Variants in ERCC8 observed in about 807,000 individuals in gnomAD.
ERCC8 encodes the protein DNA excision repair protein ERCC-8.
In ERCC8, 52 loss-of-function variants were observed where a neutral mutation model predicts 54.9. The ratio of observed to expected loss-of-function variants is 0.95; its 90% CI spans 0.76 to 1.19. The LOEUF (loss-of-function observed/expected upper bound fraction) is 1.19. ERCC8 is among the 50% of genes most tolerant of loss of function. The probability of loss-of-function intolerance (pLI) is 0.00; values close to 1 mark genes in which losing one functional copy is unlikely to be tolerated. For synonymous variants in ERCC8, 146 were observed against 157.2 expected, an observed-to-expected ratio of 0.93 and a Z score of 0.53; for missense variants, 514 against 466.1, an observed-to-expected ratio of 1.10 and a Z score of -0.95.
intron 1 of ERCC8, among the ~76,000 whole-genome samples, chr5:60,938,078 TATATATATTTTA>T (rs1298389875): frequency 0.039 from 1,019 of 26,186 alleles, 10 homozygotes; most frequent in Non-Finnish European, 0.068. Context: ...TATATATATA[TATATATATTTTA>T]TTTTTTTTTT....
chr5:60,876,170 G>T (rs1747999652), intron 11 of ERCC8, among the ~76,000 whole-genome samples: 1 of 151,964 alleles, frequency 6.6e-6, no homozygotes, highest in African/African-American at 2.4e-5. Context: ...GAGAATGATG[G>T]TTTCCAGCTT....
intron 11 of ERCC8, among the ~76,000 whole-genome samples, chr5:60,884,953 AAG>A (rs1284220055): frequency 6.6e-6 from 1 of 152,134 alleles, no homozygotes; most frequent in African/African-American, 2.4e-5. Context: ...TGTTTACACG[AAG>A]AGTTCAAACT....
chr5:60,899,489 T>C, intron 8 of ERCC8, 138 bp downstream of exon 8: 1 of 641,920 alleles, frequency 1.6e-6, no homozygotes, highest in Non-Finnish European at 2.8e-6. Flanking sequence ...ATTAAGAAAG[T>C]GATATACGAT....
At chr5:60,879,426 T>C (rs2112459861) in intron 11 of ERCC8, among the ~76,000 whole-genome samples, 1 of 152,312 alleles carries the variant, frequency 6.6e-6, no homozygotes, top group African/African-American at 2.4e-5. Flanking sequence ...GATATCCTTG[T>C]TAACTTTCTG....
chr5:60,924,171 A>C (rs184660447), intron 2 of ERCC8: 1 of 152,452 alleles, frequency 6.6e-6, no homozygotes, highest in East Asian at 1.9e-4. Flanking sequence ...ATAATTTAAA[A>C]TAATTTCTAT....
At chr5:60,906,839 T>A (rs1231271326) in intron 4 of ERCC8, among the ~76,000 whole-genome samples, 1 of 152,142 alleles carries the variant, frequency 6.6e-6, no homozygotes, top group East Asian at 1.9e-4. Flanking sequence ...AGCCCAGCAA[T>A]AATTAAGGCA....
chr5:60,944,232 A>C (rs1750354800), intron 1 of ERCC8, among the ~76,000 whole-genome samples: 1 of 152,016 alleles, frequency 6.6e-6, no homozygotes, highest in South Asian at 2.1e-4. Flanking sequence ...TCTCTCCACT[A>C]TCTTTATTCT....
intron 2 of ERCC8, among the ~76,000 whole-genome samples, chr5:60,923,216 C>T (rs1749651159): frequency 6.6e-6 from 1 of 152,038 alleles, no homozygotes; most frequent in Non-Finnish European, 1.5e-5. Context: ...CAAAATTATT[C>T]TATTCAAAAA....
intron 1 of ERCC8, among the ~76,000 whole-genome samples, chr5:60,930,241 C>T (rs1304604052): frequency 6.6e-6 from 1 of 151,952 alleles, no homozygotes; most frequent in Non-Finnish European, 1.5e-5. Flanking sequence ...ACCAGCCTGG[C>T]CAACATGGCT....
intron 7 of ERCC8, among the ~76,000 whole-genome samples, chr5:60,902,240 T>C (rs1185528455): frequency 6.6e-6 from 1 of 152,106 alleles, no homozygotes; most frequent in East Asian, 1.9e-4. Context: ...GTGAAACACC[T>C]TGAAGGTGGA....
In ERCC8 at chr5:60,894,197, G is replaced by A. The variant is rs535657759; in HGVS notation, c.844-3111C>T. Among the ~76,000 whole-genome samples the A allele has an allele frequency of 1.0e-3, 154 of 152,104 alleles. 1 individual carries two copies. Among genetic ancestry groups the A allele is most frequent in the African/African-American group, 3.5e-3 (145 of 41,480 alleles). ...CACGGGGTTTCACTGTGTGAGCCAC[G>A]ATGGTCTCGATCTCCTGACCTCGTG... On this transcript the variant is annotated intron_variant, in intron 9 of 11. Transcript: ENST00000676185.
rs939649455 is a variant in ERCC8, at chr5:60,868,477, T to C, written c.*6138A>G. On this transcript the variant is annotated 3_prime_UTR_variant, in exon 12 of 12. Coordinates refer to ENST00000676185, the MANE Select transcript of ERCC8 (RefSeq NM_000082.4). ...TAAGAGAGGTCGCAACATAGTTCTT[T>C]AATTTTACCCCCTTCCTTTGAAATT... is the stretch of plus-strand genomic sequence containing the variant. Among the ~76,000 whole-genome samples the C allele has an allele frequency of 3.3e-5, 5 of 152,196 alleles. No homozygotes were observed. Among genetic ancestry groups the C allele is most frequent in the Non-Finnish European group, 5.9e-5 (4 of 68,028 alleles).
intron 9 of ERCC8, chr5:60,892,403 A>G (rs566778969): frequency 3.7e-6 from 2 of 545,506 alleles, no homozygotes; most frequent in Non-Finnish European, 7.4e-6. Context: ...CTCGATGTCA[A>G]AGAACTTGGT....
In ERCC8 at chr5:60,904,632, GTGTATATA is replaced by G. The variant is rs1366639472; in HGVS notation, c.481+152_481+159del. 1.2e-3 allele frequency among the ~76,000 whole-genome samples: 43 copies of G among 35,858 alleles called. 2 individuals are homozygous for G. The East Asian group carries it at 0.013, about 11-fold the overall frequency. 23.5% of individuals were successfully genotyped at this position (35,858 alleles called of 152,430 possible). On this transcript the variant is annotated intron_variant, in intron 5 of 11. Coordinates refer to ENST00000676185, the MANE Select transcript of ERCC8 (RefSeq NM_000082.4). The stretch of plus-strand genomic sequence containing the variant: ...TGTTGAATATATATAGTGTGTGTGT[GTGTATATA>G]TATATATATATATATATATATATAT...
chr5:60,874,314 G>T lies in ERCC8; in HGVS notation c.*301C>A, dbSNP rs879085837. ...TGATCCTCTGAGACTGCATCTTATA[G>T]TTCATAAAATCTGCTGAAGGTCACA... On this transcript the variant is annotated 3_prime_UTR_variant, in exon 12 of 12. Coordinates refer to ENST00000676185, the MANE Select transcript of ERCC8 (RefSeq NM_000082.4). 3.3e-6 allele frequency: 1 copy of T among 301,426 alleles called. No homozygotes were observed. 18.7% of individuals were successfully genotyped at this position (301,426 alleles called of 1,614,324 possible). A position where few individuals can be genotyped will look rare whatever the true frequency, so the allele number is the denominator to read the frequency against.
chr5:60,933,144 T>C (rs1285148087), intron 1 of ERCC8, among the ~76,000 whole-genome samples: 3 of 152,020 alleles, frequency 2.0e-5, no homozygotes, highest in Non-Finnish European at 4.4e-5. Flanking sequence ...TTTGTTTTAA[T>C]GTTTTAAATG....
rs961317487 is a variant in ERCC8 at position 60,868,849 on chromosome 5, T to C, written c.*5766A>G. 1.1e-4 allele frequency among the ~76,000 whole-genome samples: 17 copies of C among 152,220 alleles called. No individual in the cohort carries two copies. The highest frequency in any genetic ancestry group is 1.8e-4 in the Non-Finnish European group (12 of 68,022). Reference sequence around the variant, plus strand: ...TAAAACAGAAGAACTAGCACTATCCTGAGCCCTAGATTTAACCTTCCGATG... The same window carrying C: ...TAAAACAGAAGAACTAGCACTATCCCGAGCCCTAGATTTAACCTTCCGATG... On this transcript the variant is annotated 3_prime_UTR_variant, in exon 12 of 12. Transcript: ENST00000676185.
intron 8 of ERCC8, 105 bp from the exon 9 acceptor site, chr5:60,898,505 T>TA (rs1297729940): frequency 1.9e-5 from 24 of 1,289,436 alleles, no homozygotes; most frequent in Non-Finnish European, 2.2e-5. Context: ...TTGAGTTACT[T>TA]AAAAAATGTA....
intron 11 of ERCC8, among the ~76,000 whole-genome samples, chr5:60,878,614 C>T (rs1467685096): frequency 6.6e-6 from 1 of 152,088 alleles, no homozygotes; most frequent in Non-Finnish European, 1.5e-5. Flanking sequence ...GTGTATGTGT[C>T]CAGGAATTTA....
Sources: allele counts gnomAD v4.1 joint callset (sites outside exome capture counted in the v4.1 genomes callset), GRCh38; gene constraint gnomAD v4.1.1; transcripts MANE v1.5; gene names NCBI Gene and HGNC (gene_info 2026-07-23, HGNC 2026-07-21).